The following ANO5 variants were observed in gnomAD, a reference collection of about 807,000 sequenced individuals.
ANO5 encodes anoctamin 5.
A neutral mutation model predicts 121.0 loss-of-function variants in ANO5; 109 were observed. The ratio of observed to expected loss-of-function variants is 0.90; its 90% confidence interval spans 0.77 to 1.06. The LOEUF (loss-of-function observed/expected upper bound fraction) is 1.06, where lower values mean the gene tolerates loss of function less well. Among genes scored for constraint, ANO5 ranks in the 50% least tolerant of loss-of-function variants. ANO5 has a pLI of 0.00. For missense variants in ANO5, 1,064 were observed against 1,078.5 expected, an observed-to-expected ratio of 0.99 and a Z score of 0.19; for synonymous variants, 406 against 359.9, an observed-to-expected ratio of 1.13 and a Z score of -1.45.
chr11:22,272,429 G>T (rs1296651702), intron 18 of ANO5, among the ~76,000 whole-genome samples: 1 of 150,834 alleles, frequency 6.6e-6, no homozygotes, highest in Non-Finnish European at 1.5e-5. Context: ...AGAAAAACTT[G>T]GTTACCTCAC....
At chr11:22,235,724 G>T (rs1447696377) in intron 7 of ANO5, among the ~76,000 whole-genome samples, 1 of 152,108 alleles carries the variant, frequency 6.6e-6, no homozygotes, top group African/African-American at 2.4e-5. Flanking sequence ...AATAAATTCA[G>T]ATATCAGGTA....
Position 22,280,768 on chromosome 11 carries a change from A to G in ANO5, c.*1003A>G, listed in dbSNP as rs751333229. ...TTTTAATAAGTTTACAACCTTTTCT[A>G]TTGATGTATCATCTTATACAATGCT... On this transcript the variant is annotated 3_prime_UTR_variant, in exon 22 of 22. Transcript: ENST00000324559. The G allele has an allele frequency of 1.3e-5, 2 of 151,998 alleles. No homozygotes were observed. The highest frequency in any genetic ancestry group is 2.9e-5 in the Non-Finnish European group (2 of 67,890). 9.4% of individuals were successfully genotyped at this position (151,998 alleles called of 1,614,324 possible). A position where few individuals can be genotyped will look rare whatever the true frequency, so the allele number is the denominator to read the frequency against.
chr11:22,273,215 C>T (rs925637073), intron 19 of ANO5, among the ~76,000 whole-genome samples: 8 of 152,080 alleles, frequency 5.3e-5, no homozygotes, highest in African/African-American at 1.7e-4. Context: ...TATCATGACA[C>T]AGTTTCACAG....
intron 9 of ANO5, among the ~76,000 whole-genome samples, chr11:22,246,024 C>T (rs556643251): frequency 6.6e-6 from 1 of 152,258 alleles, no homozygotes; most frequent in African/African-American, 2.4e-5. Context: ...CAGCTGTGGG[C>T]ACCCATCTTC....
intron 3 of ANO5, among the ~76,000 whole-genome samples, chr11:22,212,831 TA>T (rs1349769196): frequency 6.6e-6 from 1 of 151,058 alleles, no homozygotes; most frequent in Admixed American, 6.6e-5. Context: ...TTTTTTTTTT[TA>T]CTCTTGATTT....
At chr11:22,194,274 A>G (rs557221683) in intron 1 of ANO5, among the ~76,000 whole-genome samples, 71 of 152,212 alleles carry the variant, frequency 4.7e-4, no homozygotes, top group Non-Finnish European at 8.1e-4. Flanking sequence ...TATCTCCAGG[A>G]CCCCAGTTCC....
At position 22,254,514 on chromosome 11, in the gene ANO5, A is replaced by G. The variant is rs190838515; in HGVS notation, c.1181-857A>G. Among the ~76,000 whole-genome samples the G allele has an allele frequency of 4.6e-5, 7 of 152,228 alleles. 1 individual carries two copies. The highest frequency in any genetic ancestry group is 3.3e-4 in the Admixed American group (5 of 15,286). On this transcript the variant is annotated intron_variant, in intron 12 of 21. Coordinates refer to ENST00000324559, the MANE Select transcript of ANO5 (RefSeq NM_213599.3). ...CCAAGAATATATAACCAGAACTGCAATTTAACCGTAGAGTCGAACACTATG... is the reference window on the plus strand; with the variant it reads ...CCAAGAATATATAACCAGAACTGCAGTTTAACCGTAGAGTCGAACACTATG...
In ANO5 at chr11:22,262,325, G is replaced by A. The variant is rs763552517; in HGVS notation, c.1800+27G>A. On this transcript the variant is annotated intron_variant, in intron 16 of 21. Transcript: ENST00000324559. The stretch of plus-strand genomic sequence containing the variant: ...TAAGAATTTCCTTGAGAGTTGAGGT[G>A]TGTAGCTTCAATACCTCAGTATTAA... The A allele has an allele frequency of 2.5e-6, 4 of 1,608,438 alleles. No homozygotes were observed. The South Asian group carries it at 3.3e-5, about 13-fold the overall frequency.
intron 12 of ANO5, among the ~76,000 whole-genome samples, chr11:22,252,459 A>C (rs920739346): frequency 4.6e-5 from 7 of 152,148 alleles, no homozygotes; most frequent in African/African-American, 1.4e-4. Flanking sequence ...CTTCAGCACT[A>C]TTTGCAGTTA....
intron 7 of ANO5, among the ~76,000 whole-genome samples, chr11:22,229,843 A>T (rs1852980328): frequency 6.6e-6 from 1 of 151,950 alleles, no homozygotes; most frequent in African/African-American, 2.4e-5. Context: ...TTATTGAGGA[A>T]GATATTTGGG....
Position 22,259,753 on chromosome 11 carries a change from A to G in ANO5, c.1630+12A>G, listed in dbSNP as rs962562580. On this transcript the variant is annotated intron_variant, in intron 15 of 21. Transcript: ENST00000324559. ...GATCACAAAAATGGGTAAGCTGGCC[A>G]AATCATTTGTGTGATTCTGAAGAAT... 7.5e-6 allele frequency: 12 copies of G among 1,591,236 alleles called. No homozygotes were observed. Among genetic ancestry groups the G allele is most frequent in the Middle Eastern group, 1.7e-4 (1 of 6,004 alleles).
At position 22,282,831 on chromosome 11, in the gene ANO5, T is replaced by A. The variant is rs1228152534; in HGVS notation, c.*3066T>A. The A allele has an allele frequency of 1.3e-5, 2 of 152,160 alleles. No individual in the cohort carries two copies. The highest frequency in any genetic ancestry group is 4.8e-5 in the African/African-American group (2 of 41,440). The allele number at this position is 152,160 out of a possible 1,614,324, so 9.4% of individuals were successfully genotyped here. On this transcript the variant is annotated 3_prime_UTR_variant, in exon 22 of 22. Coordinates refer to ENST00000324559, the MANE Select transcript of ANO5 (RefSeq NM_213599.3). The stretch of plus-strand genomic sequence containing the variant: ...CTGTACCAATCATTCAAAAAGGGAA[T>A]CTATTGTTTTGAAAGAAACTCTCTC...
intron 7 of ANO5, among the ~76,000 whole-genome samples, chr11:22,231,196 C>A (rs767960153): frequency 6.6e-6 from 1 of 151,864 alleles, no homozygotes; most frequent in Non-Finnish European, 1.5e-5. Flanking sequence ...ATTAGTCTTA[C>A]CATTGTATGC....
intron 17 of ANO5, 110 bp downstream of exon 17, chr11:22,263,153 A>G (rs1854253224): frequency 1.2e-6 from 1 of 857,924 alleles, no homozygotes; most frequent in Non-Finnish European, 1.9e-6. Flanking sequence ...GAAAATGTTT[A>G]AGCCAAAAGA....
At chr11:22,236,310 T>C in intron 8 of ANO5, 34 bp downstream of exon 8, 1 of 1,515,536 alleles carries the variant, frequency 6.6e-7, no homozygotes, top group Middle Eastern at 1.7e-4. Flanking sequence ...AATCTGAGCT[T>C]ATTTTCCTCC....
At chr11:22,237,746 T>G (rs1235899512) in intron 8 of ANO5, among the ~76,000 whole-genome samples, 1 of 152,194 alleles carries the variant, frequency 6.6e-6, no homozygotes, top group Non-Finnish European at 1.5e-5. Flanking sequence ...GGAGTGTCAA[T>G]TTAGTAACTT....
At position 22,193,464 on chromosome 11, in the gene ANO5, G is replaced by A; in HGVS notation, c.-29G>A. 6.2e-7 allele frequency: 1 copy of A among 1,607,484 alleles called. No homozygotes were observed. The highest frequency in any genetic ancestry group is 8.5e-7 in the Non-Finnish European group (1 of 1,177,564). On this transcript the variant is annotated 5_prime_UTR_variant, in exon 1 of 22. Transcript: ENST00000324559. ...CTGCCCCTCTCCTGCTGCCTCTCAG[G>A]CACCAGTGCCATTAACGAGCTGGCG...
chr11:22,197,176 A>G (rs774713692), intron 1 of ANO5, among the ~76,000 whole-genome samples: 1 of 152,172 alleles, frequency 6.6e-6, no homozygotes, highest in East Asian at 1.9e-4. Flanking sequence ...GATTTATTAC[A>G]TCTTCTCTAC....
chr11:22,245,945 C>T (rs1381800993), intron 9 of ANO5, among the ~76,000 whole-genome samples: 1 of 152,116 alleles, frequency 6.6e-6, no homozygotes, highest in Non-Finnish European at 1.5e-5. Flanking sequence ...GGATGCTCAA[C>T]CTGGTGAATG....
Sources: allele counts gnomAD v4.1 joint callset (sites outside exome capture counted in the v4.1 genomes callset), GRCh38; gene constraint gnomAD v4.1.1; transcripts MANE v1.5; gene names NCBI Gene and HGNC (gene_info 2026-07-23, HGNC 2026-07-21).